The following LRP1B variants were observed in gnomAD, a reference collection of about 807,000 sequenced individuals.
The protein encoded by LRP1B is low-density lipoprotein receptor-related protein 1B.
A neutral mutation model predicts 556.6 loss-of-function variants in LRP1B; 217 were observed. The ratio of observed to expected loss-of-function variants is 0.39; its 90% CI spans 0.35 to 0.44. The LOEUF (loss-of-function observed/expected upper bound fraction) is 0.44, where lower values mean the gene tolerates loss of function less well. Ranked by LOEUF, LRP1B falls within the 20% of genes least tolerant of loss-of-function variation. The probability of loss-of-function intolerance (pLI) is 1.00; values close to 1 mark genes in which losing one functional copy is unlikely to be tolerated. For missense variants in LRP1B, 5,053 were observed against 5,620.8 expected, an observed-to-expected ratio of 0.90 and a Z score of 3.23; for synonymous variants, 2,047 against 1,865.8, an observed-to-expected ratio of 1.10 and a Z score of -2.50.
chr2:140,737,432 G>A (rs919006180), intron 35 of LRP1B, among the ~76,000 whole-genome samples: 2 of 152,140 alleles, frequency 1.3e-5, no homozygotes, highest in African/African-American at 4.8e-5. Flanking sequence ...CAAAAGCTAG[G>A]TAATAAATGG....
chr2:141,802,742 T>G (rs189489262), intron 2 of LRP1B, among the ~76,000 whole-genome samples: 62 of 152,228 alleles, frequency 4.1e-4, no homozygotes, highest in African/African-American at 1.4e-3. Context: ...AATGTAAATT[T>G]TATACACTGA....
chr2:141,060,010 C>T (rs1227273840), intron 8 of LRP1B, among the ~76,000 whole-genome samples: 4 of 151,768 alleles, frequency 2.6e-5, no homozygotes, highest in East Asian at 1.9e-4. Flanking sequence ...ACTTTTAATA[C>T]ACAGATTTGC....
chr2:141,163,493 A>G (rs968629092), intron 7 of LRP1B, among the ~76,000 whole-genome samples: 19 of 151,974 alleles, frequency 1.3e-4, no homozygotes, highest in Admixed American at 3.9e-4. Context: ...CAGGATTACA[A>G]TCTTGGTCTG....
chr2:141,347,316 A>C (rs891770268), intron 3 of LRP1B, among the ~76,000 whole-genome samples: 2 of 152,064 alleles, frequency 1.3e-5, no homozygotes, highest in South Asian at 2.1e-4. Flanking sequence ...ATAACAAAAA[A>C]AATCAATAGA....
chr2:140,742,007 G>A (rs1035801208), intron 35 of LRP1B, among the ~76,000 whole-genome samples: 10 of 152,016 alleles, frequency 6.6e-5, no homozygotes, highest in Non-Finnish European at 1.3e-4. Context: ...TACTTAATCC[G>A]TTCATGGCTT....
At chr2:140,619,540 T>G (rs1004538547) in intron 41 of LRP1B, among the ~76,000 whole-genome samples, 1 of 152,180 alleles carries the variant, frequency 6.6e-6, no homozygotes, top group Non-Finnish European at 1.5e-5. Context: ...TAATTTTTAA[T>G]CCAATCAGTG....
intron 7 of LRP1B, among the ~76,000 whole-genome samples, chr2:141,182,847 G>A (rs1483961632): frequency 1.3e-5 from 2 of 151,636 alleles, no homozygotes; most frequent in African/African-American, 2.4e-5. Context: ...GGTATGTGTA[G>A]GGGGCTGTTT....
chr2:141,896,333 A>AATAACAGAT (rs1699452410), intron 1 of LRP1B, among the ~76,000 whole-genome samples: 1 of 152,174 alleles, frequency 6.6e-6, no homozygotes, highest in Non-Finnish European at 1.5e-5. Context: ...CAAAATCAAA[A>AATAACAGAT]ATAACAGATT....
chr2:141,505,089 T>C, intron 2 of LRP1B, among the ~76,000 whole-genome samples: 1 of 146,532 alleles, frequency 6.8e-6, no homozygotes, highest in Non-Finnish European at 1.5e-5. Flanking sequence ...AATAAATCCC[T>C]CCTCTCTCTC....
chr2:141,337,237 CTAAT>C (rs1687879319), intron 3 of LRP1B, among the ~76,000 whole-genome samples: 1 of 152,144 alleles, frequency 6.6e-6, no homozygotes, highest in African/African-American at 2.4e-5. Flanking sequence ...CTTAGCAAGC[CTAAT>C]TGATTTATAG....
chr2:140,935,689 A>G (rs1386580964), intron 20 of LRP1B, among the ~76,000 whole-genome samples: 1 of 151,196 alleles, frequency 6.6e-6, no homozygotes, highest in Non-Finnish European at 1.5e-5. Flanking sequence ...GATAAATTCA[A>G]AGAAGTCTAC....
rs74338587 is a variant in LRP1B, at chr2:141,731,204, C to G, written c.205+79075G>C. 7.6e-3 allele frequency among the ~76,000 whole-genome samples: 1,157 copies of G among 152,174 alleles called. 17 individuals are homozygous for G. Among genetic ancestry groups the G allele is most frequent in the African/African-American group, 0.027 (1,111 of 41,542 alleles). On this transcript the variant is annotated intron_variant, in intron 2 of 90. Coordinates refer to ENST00000389484, the MANE Select transcript of LRP1B (RefSeq NM_018557.3). ...AAACAAGAGAGGACTTCAATGTTAC[C>G]TGGAGCATGGCCCCCAAATTAAAAT...
chr2:142,104,820 T>C (rs369267614), intron 1 of LRP1B, among the ~76,000 whole-genome samples: 4 of 152,176 alleles, frequency 2.6e-5, no homozygotes, highest in Admixed American at 6.6e-5. Context: ...GTCTTCTTTA[T>C]GTAAACATCT....
At chr2:140,292,105 C>T (rs1287990977) in intron 84 of LRP1B, among the ~76,000 whole-genome samples, 4 of 152,034 alleles carry the variant, frequency 2.6e-5, no homozygotes, top group East Asian at 3.9e-4. Flanking sequence ...GCATAAATGT[C>T]GGAGAAGCCT....
chr2:140,964,862 G>C (rs983308774), intron 18 of LRP1B, among the ~76,000 whole-genome samples: 3 of 152,160 alleles, frequency 2.0e-5, no homozygotes, highest in African/African-American at 7.2e-5. Context: ...GCTGAGGCAG[G>C]AGAATCACTT....
intron 62 of LRP1B, 80 bp downstream of exon 62, chr2:140,456,375 G>T (rs1687107311): frequency 1.5e-6 from 2 of 1,349,498 alleles, no homozygotes; most frequent in South Asian, 1.6e-5. Context: ...TGTATGGAAT[G>T]ATCATTCAAT....
chr2:140,622,047 C>T (rs1228049195), intron 41 of LRP1B, among the ~76,000 whole-genome samples: 2 of 152,170 alleles, frequency 1.3e-5, no homozygotes, highest in Admixed American at 1.3e-4. Flanking sequence ...CTTATTTTCT[C>T]ATTCAATTTA....
chr2:140,868,893 A>G (rs1167458565), intron 25 of LRP1B, among the ~76,000 whole-genome samples: 2 of 152,220 alleles, frequency 1.3e-5, no homozygotes, highest in East Asian at 3.9e-4. Context: ...CAGCGACAGG[A>G]GACAGACAAA....
At chr2:141,884,620 C>T (rs902565652) in intron 1 of LRP1B, among the ~76,000 whole-genome samples, 3 of 152,254 alleles carry the variant, frequency 2.0e-5, no homozygotes, top group African/African-American at 7.2e-5. Context: ...GACTTTATCT[C>T]AGAATAATCT....
Sources: allele counts gnomAD v4.1 joint callset (sites outside exome capture counted in the v4.1 genomes callset), GRCh38; gene constraint gnomAD v4.1.1; transcripts MANE v1.5; gene names NCBI Gene and HGNC (gene_info 2026-07-23, HGNC 2026-07-21).